The following PITPNM3 variants were observed in gnomAD, a reference collection of about 807,000 sequenced individuals.
PITPNM3 encodes the protein PITPNM family member 3, also known as membrane-associated phosphatidylinositol transfer protein 3.
In PITPNM3, 26 loss-of-function variants were observed where a neutral mutation model predicts 102.0. The ratio of observed to expected loss-of-function variants is 0.25; its 90% CI spans 0.19 to 0.35. The LOEUF (loss-of-function observed/expected upper bound fraction) is 0.35, where lower values mean the gene tolerates loss of function less well. PITPNM3 is among the 10% of genes least tolerant of loss of function. The pLI, the probability that PITPNM3 is intolerant of heterozygous loss-of-function variation, is 1.00. For synonymous variants in PITPNM3, 578 were observed against 558.6 expected (o/e 1.03, Z -0.49); for missense variants, 1,083 against 1,346.1 (o/e 0.80, Z 3.06).
chr17:6,484,305 A>G lies in PITPNM3; in HGVS notation c.275-13T>C. On this transcript the variant is annotated splice_polypyrimidine_tract_variant and intron_variant, in intron 4 of 19. Transcript: ENST00000262483. The stretch of plus-strand genomic sequence containing the variant: ...CGGTACAGTTCTCCTGCAGAGGGAA[A>G]GAGGGGAGCTCAGCATCTCCAGGCT... The G allele has an allele frequency of 6.3e-7, 1 of 1,588,998 alleles. No individual in the cohort carries two copies. Among genetic ancestry groups the G allele is most frequent in the Non-Finnish European group, 8.6e-7 (1 of 1,157,330 alleles).
intron 4 of PITPNM3, among the ~76,000 whole-genome samples, chr17:6,501,244 C>T (rs1907151888): frequency 6.6e-6 from 1 of 152,168 alleles, no homozygotes; most frequent in African/African-American, 2.4e-5. Context: ...CTTCTGCATT[C>T]CTGGGGAATG....
intron 3 of PITPNM3, among the ~76,000 whole-genome samples, chr17:6,524,002 G>A (rs1908683786): frequency 6.6e-6 from 1 of 152,240 alleles, no homozygotes; most frequent in Non-Finnish European, 1.5e-5. Context: ...CTTTGGGCAA[G>A]ACGTGGCTCC....
intron 6 of PITPNM3, among the ~76,000 whole-genome samples, chr17:6,481,985 C>CCTCTCT (rs773528111): frequency 2.9e-4 from 16 of 56,138 alleles, no homozygotes; most frequent in Non-Finnish European, 3.4e-4. Context: ...GAAAACAGAA[C>CCTCTCT]CTCTCTCTCT....
At chr17:6,525,853 A>G (rs578168064) in intron 2 of PITPNM3, among the ~76,000 whole-genome samples, 118 of 152,340 alleles carry the variant, frequency 7.7e-4, no homozygotes, top group African/African-American at 2.8e-3. Flanking sequence ...CGATTTTCCC[A>G]TCACTAAAAT....
Position 6,464,691 on chromosome 17 carries a change from G to A in PITPNM3, c.1971C>T (p.Tyr657=), listed in dbSNP as rs377270241. The part of the protein sequence containing the change: ...GPQVLVGRFM[Y]GPLDMVALTG... ...TCAGAGCCACCATGTCGAGGGGCCCGTACATGAACCGCCCCACCAGGACCT... is the reference window on the plus strand; with the variant it reads ...TCAGAGCCACCATGTCGAGGGGCCCATACATGAACCGCCCCACCAGGACCT... Residue 657 remains tyrosine, a synonymous_variant, in exon 15 of 20, where the codon TAC becomes TAT. Transcript: ENST00000262483. 5.9e-5 allele frequency: 96 copies of A among 1,614,012 alleles called. No homozygotes were observed. In the African/African-American group the frequency reaches 6.8e-4, roughly 11 times the overall value.
intron 4 of PITPNM3, among the ~76,000 whole-genome samples, chr17:6,488,021 C>G (rs1906202976): frequency 6.6e-6 from 1 of 152,170 alleles, no homozygotes; most frequent in Non-Finnish European, 1.5e-5. Context: ...GGAGATCTAG[C>G]CTGCCAGATT....
chr17:6,464,406 A>G, intron 15 of PITPNM3, 88 bp from the exon 16 acceptor site: 2 of 1,414,434 alleles, frequency 1.4e-6, no homozygotes, highest in Admixed American at 3.5e-5. Flanking sequence ...CTCTGGGCTG[A>G]GGTCCCTGCC....
chr17:6,533,380 A>G (rs1256870866), intron 2 of PITPNM3, among the ~76,000 whole-genome samples: 2 of 152,190 alleles, frequency 1.3e-5, no homozygotes, highest in African/African-American at 4.8e-5. Context: ...ATCTTTTCAC[A>G]TGCTTACTTG....
intron 1 of PITPNM3, among the ~76,000 whole-genome samples, chr17:6,551,224 G>GCAGT (rs1910284496): frequency 6.6e-6 from 1 of 152,160 alleles, no homozygotes; most frequent in African/African-American, 2.4e-5. Flanking sequence ...GGGCATGGTG[G>GCAGT]CAGTCACCTG....
At chr17:6,510,075 G>A (rs200184495) in intron 3 of PITPNM3, among the ~76,000 whole-genome samples, 40 of 150,964 alleles carry the variant, frequency 2.6e-4, no homozygotes, top group Non-Finnish European at 3.7e-4. Context: ...TTTATTCTAC[G>A]TCTTTCCCAT....
intron 1 of PITPNM3, among the ~76,000 whole-genome samples, chr17:6,547,901 T>C (rs1405559817): frequency 6.6e-6 from 1 of 151,892 alleles, no homozygotes; most frequent in Non-Finnish European, 1.5e-5. Context: ...GCTAATTTTG[T>C]ATTTTTAGTA....
chr17:6,507,201 G>T (rs2150614670), intron 3 of PITPNM3, among the ~76,000 whole-genome samples: 1 of 152,324 alleles, frequency 6.6e-6, no homozygotes, highest in East Asian at 1.9e-4. Context: ...ATCCCAGGAG[G>T]CTTCAAGGCG....
Position 6,457,640 on chromosome 17 carries a change from A to G in PITPNM3, c.2573T>C (p.Ile858Thr), listed in dbSNP as rs763844885. 1.6e-5 allele frequency: 25 copies of G among 1,612,870 alleles called. No individual in the cohort carries two copies. The South Asian group carries it at 2.8e-4, about 18-fold the overall frequency. ...CTTGGTGGGCCGGCCCACAATGAAG[A>G]TCTGGGAGGCAGGCAGGCCCAGCAC... is the stretch of plus-strand genomic sequence containing the variant. ...YSVLGLPASQIFIVGRPTKKY... is the reference protein window; with the variant it reads ...YSVLGLPASQTFIVGRPTKKY... The change falls in exon 19 of 20, where the codon ATC becomes ACC. Residue 858 changes from isoleucine (I) to threonine (T), a missense_variant. By Grantham distance (89) the Ile-to-Thr change is moderately conservative. Coordinates refer to ENST00000262483, the MANE Select transcript of PITPNM3 (RefSeq NM_031220.4). This position sits in a 1 kb window ranked among gnomAD's most constrained non-coding sequence, Gnocchi z 4.7.
Position 6,468,957 on chromosome 17 carries a change from C to T in PITPNM3, c.1774-616G>A, listed in dbSNP as rs1475997077. Among the ~76,000 whole-genome samples, 2 of 152,052 alleles carry T rather than the reference C, an allele frequency of 1.3e-5. No homozygotes were observed. The highest frequency in any genetic ancestry group is 4.8e-5 in the African/African-American group (2 of 41,376). ...TCCACCCACTCCAGTCAGGGTTCTTCTCCATCACTCCTCTACGGAAGCCAT... is the reference window on the plus strand; with the variant it reads ...TCCACCCACTCCAGTCAGGGTTCTTTTCCATCACTCCTCTACGGAAGCCAT... On this transcript the variant is annotated intron_variant, in intron 13 of 19. Coordinates refer to ENST00000262483, the MANE Select transcript of PITPNM3 (RefSeq NM_031220.4). This position sits in a 1 kb window ranked among gnomAD's most constrained non-coding sequence, Gnocchi z 5.2.
At chr17:6,511,542 T>G (rs543565041) in intron 3 of PITPNM3, among the ~76,000 whole-genome samples, 1 of 152,182 alleles carries the variant, frequency 6.6e-6, no homozygotes, top group African/African-American at 2.4e-5. Flanking sequence ...AAAATGTGGG[T>G]CCCTTTGTTC....
At chr17:6,476,176 C>T (rs1162575974) in intron 9 of PITPNM3, among the ~76,000 whole-genome samples, 2 of 151,836 alleles carry the variant, frequency 1.3e-5, no homozygotes, top group Admixed American at 6.6e-5. Flanking sequence ...TAAAATAAAA[C>T]GATCTTAAAA....
At chr17:6,530,839 C>G (rs1909106002) in intron 2 of PITPNM3, among the ~76,000 whole-genome samples, 1 of 152,168 alleles carries the variant, frequency 6.6e-6, no homozygotes, top group African/African-American at 2.4e-5. Context: ...AAAGTATTTC[C>G]CATTCAAGTG....
chr17:6,486,119 T>C (rs1906079397), intron 4 of PITPNM3, among the ~76,000 whole-genome samples: 1 of 152,134 alleles, frequency 6.6e-6, no homozygotes, highest in Non-Finnish European at 1.5e-5. Flanking sequence ...ACCCAAATGA[T>C]ACCTGCACTC....
chr17:6,545,884 C>T (rs2150675712), intron 1 of PITPNM3, among the ~76,000 whole-genome samples: 1 of 152,374 alleles, frequency 6.6e-6, no homozygotes, highest in Non-Finnish European at 1.5e-5. Context: ...GAATCCTCTC[C>T]AGGCTCCTAT....
Sources: gnomAD v4.1 joint callset for allele counts (sites outside exome capture counted in the v4.1 genomes callset) on GRCh38, gnomAD v4.1.1 for gene constraint, Gnocchi (gnomAD v3.1) non-coding constraint, MANE v1.5 for transcripts, NCBI Gene and HGNC (gene_info 2026-07-23, HGNC 2026-07-21) for gene names.